ARID1B: variants seen among roughly 807,000 people sequenced by gnomAD.
ARID1B encodes AT-rich interactive domain-containing protein 1B.
In ARID1B, 30 loss-of-function variants were observed where a neutral mutation model predicts 212.3. The observed-to-expected ratio is 0.14, with a 90% CI of 0.11 to 0.19. ARID1B has a LOEUF of 0.19. Ranked by LOEUF, ARID1B falls within the 10% of genes least tolerant of loss-of-function variation. ARID1B has a pLI of 1.00. For synonymous variants in ARID1B, 1,402 were observed against 1,301.7 expected (o/e 1.08, Z -1.66); for missense variants, 2,891 against 3,204.0 (o/e 0.90, Z 2.36).
chr6:156,884,998 G>A (rs182261463), intron 2 of ARID1B, among the ~76,000 whole-genome samples: 1 of 152,178 alleles, frequency 6.6e-6, no homozygotes, highest in Admixed American at 6.5e-5. Context: ...GTTGGAAATC[G>A]TGTTTCCCTA....
chr6:157,105,822 G>C (rs1415592082), intron 5 of ARID1B, among the ~76,000 whole-genome samples: 1 of 152,140 alleles, frequency 6.6e-6, no homozygotes, highest in Admixed American at 6.5e-5. Context: ...GGCTGGTCTT[G>C]AACTCCTGAC....
chr6:157,191,419 G>C (rs1346809168), intron 15 of ARID1B, among the ~76,000 whole-genome samples: 5 of 152,168 alleles, frequency 3.3e-5, no homozygotes, highest in African/African-American at 1.2e-4. Flanking sequence ...CGGTGGTAAG[G>C]CATGGAGTGC....
intron 4 of ARID1B, among the ~76,000 whole-genome samples, chr6:157,037,281 C>T (rs1781393796): frequency 6.6e-6 from 1 of 152,220 alleles, no homozygotes; most frequent in Non-Finnish European, 1.5e-5. Context: ...GACAGAACCC[C>T]TACCGTCCAG....
At chr6:157,072,352 T>A (rs1465511568) in intron 4 of ARID1B, 2 of 152,210 alleles carry the variant, frequency 1.3e-5, no homozygotes, top group African/African-American at 4.8e-5. Context: ...AAGAAGGAAG[T>A]GAAAATCCTC....
At chr6:156,947,279 T>C (rs2128298085) in intron 4 of ARID1B, among the ~76,000 whole-genome samples, 1 of 152,358 alleles carries the variant, frequency 6.6e-6, no homozygotes, top group South Asian at 2.1e-4. Flanking sequence ...TATATACTTT[T>C]GAATGATTTG....
chr6:156,880,539 G>T (rs2128165901), intron 2 of ARID1B, among the ~76,000 whole-genome samples: 1 of 152,066 alleles, frequency 6.6e-6, no homozygotes, highest in East Asian at 1.9e-4. Flanking sequence ...AGGAGTTCGA[G>T]AACAGCCTGG....
intron 6 of ARID1B, among the ~76,000 whole-genome samples, chr6:157,128,041 C>T (rs1788262362): frequency 6.6e-6 from 1 of 151,586 alleles, no homozygotes; most frequent in African/African-American, 2.4e-5. Flanking sequence ...CTCCGTTAAT[C>T]CTCACTACAA....
At chr6:157,020,312 A>AC (rs1780144650) in intron 4 of ARID1B, among the ~76,000 whole-genome samples, 2 of 152,118 alleles carry the variant, frequency 1.3e-5, no homozygotes, top group South Asian at 4.1e-4. Flanking sequence ...TTAGTCATTT[A>AC]CCCCCATACA....
chr6:156,897,264 C>CTTCTTATTATTATTA (rs71027320), intron 2 of ARID1B, among the ~76,000 whole-genome samples: 1,426 of 83,492 alleles, frequency 0.017, 16 homozygotes, highest in Non-Finnish European at 0.024. Context: ...TCTTCTTCTT[C>CTTCTTATTATTATTA]TTATTATTAT....
At chr6:156,854,271 A>G (rs1442218310) in intron 2 of ARID1B, among the ~76,000 whole-genome samples, 1 of 152,140 alleles carries the variant, frequency 6.6e-6, no homozygotes, top group East Asian at 1.9e-4. Flanking sequence ...GGCACTAAGG[A>G]ACGAACGGAA....
chr6:157,092,209 C>G (rs924145458), intron 5 of ARID1B, among the ~76,000 whole-genome samples: 1 of 152,212 alleles, frequency 6.6e-6, no homozygotes, highest in South Asian at 2.1e-4. Flanking sequence ...CATTCCCTTC[C>G]AAATGCTGCT....
chr6:156,922,163 A>ATAGGTTGC (rs1790860505), intron 3 of ARID1B, among the ~76,000 whole-genome samples: 1 of 149,092 alleles, frequency 6.7e-6, no homozygotes, highest in South Asian at 2.1e-4. Flanking sequence ...GGGGTCCTGT[A>ATAGGTTGC]TAGGTTGCCC....
intron 1 of ARID1B, among the ~76,000 whole-genome samples, chr6:156,822,569 A>C (rs11969332): frequency 0.067 from 10,198 of 152,306 alleles, 381 homozygotes; most frequent in Middle Eastern, 0.12. Flanking sequence ...CTTAGAGAGG[A>C]GTAGGCACTT....
At chr6:156,870,794 A>G (rs1441757224) in intron 2 of ARID1B, among the ~76,000 whole-genome samples, 1 of 152,046 alleles carries the variant, frequency 6.6e-6, no homozygotes, top group Non-Finnish European at 1.5e-5. Context: ...CACATTATAG[A>G]TATGTTTACA....
chr6:157,187,734 T>A (rs1280371718), intron 13 of ARID1B, among the ~76,000 whole-genome samples: 1 of 149,414 alleles, frequency 6.7e-6, no homozygotes, highest in African/African-American at 2.5e-5. Context: ...GAGGTTGCAT[T>A]CATTTTTTTT....
At chr6:156,905,236 G>A (rs1789265753) in intron 3 of ARID1B, among the ~76,000 whole-genome samples, 1 of 123,156 alleles carries the variant, frequency 8.1e-6, no homozygotes. Flanking sequence ...AATCAATTGT[G>A]CTCACATATG....
At position 157,133,178 on chromosome 6, in the gene ARID1B, G is replaced by T; in HGVS notation, c.2732G>T (p.Gly911Val). Residue 911 changes from glycine to valine, a missense_variant, in exon 7 of 20, where the codon GGT becomes GTT. Around this residue, in one of 7 missense-constraint regions of ARID1B, gnomAD observed 1,643 missense variants for 1,544.0 expected, o/e 1.06. Transcript: ENST00000636930. ...CAGAGTAACTCAAGTGGGACTTACGGTCCACAGATGAGCCAGTATGGACCA... is the reference window on the plus strand; with the variant it reads ...CAGAGTAACTCAAGTGGGACTTACGTTCCACAGATGAGCCAGTATGGACCA... ...FQQSNSSGTY[G>V]PQMSQYGPQG... The T allele has an allele frequency of 6.2e-7, 1 of 1,613,164 alleles. No individual in the cohort carries two copies. Among genetic ancestry groups the T allele is most frequent in the Non-Finnish European group, 8.5e-7 (1 of 1,179,668 alleles).
intron 1 of ARID1B, among the ~76,000 whole-genome samples, chr6:156,794,753 A>G (rs1780244178): frequency 6.7e-6 from 1 of 150,288 alleles, no homozygotes; most frequent in Non-Finnish European, 1.5e-5. Flanking sequence ...AATTTTTGTT[A>G]TTTTTTTGTA....
intron 5 of ARID1B, among the ~76,000 whole-genome samples, chr6:157,092,072 T>C (rs952440311): frequency 6.6e-6 from 1 of 152,238 alleles, no homozygotes; most frequent in African/African-American, 2.4e-5. Flanking sequence ...GCCATTGATA[T>C]ATCCATGTTT....
Sources: gnomAD v4.1 joint callset for allele counts (sites outside exome capture counted in the v4.1 genomes callset) on GRCh38, gnomAD v4.1.1 for gene constraint, gnomAD v4.1.1 regional missense constraint, MANE v1.5 for transcripts, NCBI Gene and HGNC (gene_info 2026-07-23, HGNC 2026-07-21) for gene names.